The following ITGB6 variants were observed in gnomAD, a reference collection of about 807,000 sequenced individuals.
ITGB6 encodes the protein integrin beta-6.
ITGB6 carries 80 observed loss-of-function variants against 84.5 expected under a neutral mutation model. The ratio of observed to expected loss-of-function variants is 0.95; its 90% CI spans 0.79 to 1.14. The LOEUF (loss-of-function observed/expected upper bound fraction) is 1.14. Ranked by LOEUF, ITGB6 falls within the 50% of genes most tolerant of loss-of-function variation. The pLI is 0.00. For synonymous variants in ITGB6, 383 were observed against 354.9 expected (o/e 1.08, Z -0.89); for missense variants, 1,006 against 968.0 (o/e 1.04, Z -0.52).
chr2:160,192,403 C>T (rs1163656048), intron 4 of ITGB6, among the ~76,000 whole-genome samples: 1 of 152,076 alleles, frequency 6.6e-6, no homozygotes, highest in Non-Finnish European at 1.5e-5. Flanking sequence ...AGTGCTTGAA[C>T]AACTAGATAT....
At chr2:160,111,791 G>A (rs905689015) in intron 13 of ITGB6, among the ~76,000 whole-genome samples, 3 of 151,878 alleles carry the variant, frequency 2.0e-5, no homozygotes, top group African/African-American at 4.8e-5. Flanking sequence ...TGTTGGCCAG[G>A]GTGGTCTCCA....
At chr2:160,129,313 C>A (rs7564691) in intron 10 of ITGB6, among the ~76,000 whole-genome samples, 11,127 of 150,058 alleles carry the variant, frequency 0.074, 1,288 homozygotes, top group African/African-American at 0.25. Flanking sequence ...GCCTGCCATG[C>A]GCAAGACACT....
intron 4 of ITGB6, among the ~76,000 whole-genome samples, chr2:160,193,720 G>A (rs1219841984): frequency 2.6e-5 from 4 of 152,146 alleles, no homozygotes; most frequent in African/African-American, 9.7e-5. Context: ...TAGTGCCCCA[G>A]CAACATTCTT....
chr2:160,151,396 A>G (rs1050375101), intron 7 of ITGB6, among the ~76,000 whole-genome samples: 2 of 152,238 alleles, frequency 1.3e-5, no homozygotes, highest in African/African-American at 2.4e-5. Context: ...TTTGAAACCA[A>G]TGAGAACAAA....
chr2:160,164,874 T>G (rs1423963323), intron 7 of ITGB6, among the ~76,000 whole-genome samples: 1 of 152,166 alleles, frequency 6.6e-6, no homozygotes, highest in Admixed American at 6.5e-5. Context: ...CTGATGATTT[T>G]TCATGGTTAG....
At chr2:160,110,446 C>A (rs1313188860) in intron 13 of ITGB6, among the ~76,000 whole-genome samples, 1 of 152,126 alleles carries the variant, frequency 6.6e-6, no homozygotes, top group African/African-American at 2.4e-5. Context: ...CACTCTTTCC[C>A]CTTTTCTATC....
In ITGB6 at chr2:160,126,672, C is replaced by G. The variant is rs1683259196; in HGVS notation, c.1661-71G>C. ...GCAGATTTGAGGGGGTGAGGGGCAT[C>G]TTTTCTCTTTGTCTTTAAGCACCGT... is the stretch of plus-strand genomic sequence containing the variant. On this transcript the variant is annotated intron_variant, in intron 10 of 14. Coordinates refer to ENST00000283249, the MANE Select transcript of ITGB6 (RefSeq NM_000888.5). 5 of 1,415,756 alleles carry G rather than the reference C, an allele frequency of 3.5e-6. No individual in the cohort carries two copies. The South Asian group carries it at 3.8e-5, about 11-fold the overall frequency. The allele number at this position is 1,415,756 out of a possible 1,614,324, so 87.7% of individuals were successfully genotyped here. A position where few individuals can be genotyped will look rare whatever the true frequency, so the allele number is the denominator to read the frequency against.
intron 7 of ITGB6, among the ~76,000 whole-genome samples, chr2:160,167,422 GGTCA>G (rs1230697759): frequency 2.6e-5 from 4 of 152,124 alleles, no homozygotes; most frequent in Non-Finnish European, 5.9e-5. Flanking sequence ...ACAATGAAAC[GGTCA>G]GTCATAGAGT....
chr2:160,118,205 C>A (rs1479020269), intron 12 of ITGB6, among the ~76,000 whole-genome samples: 4 of 151,966 alleles, frequency 2.6e-5, no homozygotes, highest in Admixed American at 1.3e-4. Flanking sequence ...GGCAGAGAAA[C>A]AACAAAAAAA....
chr2:160,188,503 C>T (rs564584998), intron 4 of ITGB6, among the ~76,000 whole-genome samples: 2 of 152,090 alleles, frequency 1.3e-5, no homozygotes, highest in Non-Finnish European at 2.9e-5. Context: ...TCTGGTCTCC[C>T]CCTAATCACA....
chr2:160,163,631 CAAAA>C (rs11335168), intron 7 of ITGB6, among the ~76,000 whole-genome samples: 3 of 137,960 alleles, frequency 2.2e-5, no homozygotes, highest in Admixed American at 7.1e-5. Context: ...GACTTTGTCT[CAAAA>C]AAAAAAAAAA....
chr2:160,132,265 T>C (rs535051721), intron 10 of ITGB6, among the ~76,000 whole-genome samples: 13 of 152,154 alleles, frequency 8.5e-5, no homozygotes, highest in African/African-American at 2.9e-4. Flanking sequence ...AAATAAACCT[T>C]TAAATGAAAA....
intron 12 of ITGB6, among the ~76,000 whole-genome samples, chr2:160,123,219 G>A (rs1323121530): frequency 6.6e-6 from 1 of 152,298 alleles, no homozygotes; most frequent in East Asian, 1.9e-4. Flanking sequence ...CCGTTAAAGA[G>A]AATAGGTCTT....
chr2:160,187,574 CA>C (rs1000847417), intron 4 of ITGB6, among the ~76,000 whole-genome samples: 5 of 151,992 alleles, frequency 3.3e-5, no homozygotes, highest in African/African-American at 4.8e-5. Context: ...TTGAAAAAGG[CA>C]AAAGATTAAA....
intron 11 of ITGB6, among the ~76,000 whole-genome samples, chr2:160,124,705 T>C (rs1392298138): frequency 6.6e-6 from 1 of 152,184 alleles, no homozygotes; most frequent in East Asian, 1.9e-4. Flanking sequence ...AAATGTATGC[T>C]CTGCTAAGTG....
At chr2:160,125,258 A>T (rs1489572299) in intron 11 of ITGB6, among the ~76,000 whole-genome samples, 2 of 152,238 alleles carry the variant, frequency 1.3e-5, no homozygotes, top group Non-Finnish European at 2.9e-5. Flanking sequence ...ATAAATGAAT[A>T]CATGCATGAA....
chr2:160,196,375 C>A lies in ITGB6; in HGVS notation c.187G>T (p.Ala63Ser). The A allele has an allele frequency of 6.2e-7, 1 of 1,613,952 alleles. No individual in the cohort carries two copies. The highest frequency in any genetic ancestry group is 8.5e-7 in the Non-Finnish European group (1 of 1,179,952). The change falls in exon 3 of 15, where the codon GCA becomes TCA. Residue 63 changes from alanine (A) to serine (S), a missense_variant. By Grantham distance (99) the Ala-to-Ser change is moderately conservative. Coordinates refer to ENST00000283249, the MANE Select transcript of ITGB6 (RefSeq NM_000888.5). ...TGACATCCTTTAGCTAAAAGGTTTG[C>A]TGGGGTATCACACCTTTCGCCAACT... ...SGVGERCDTP[A>S]NLLAKGCQLN... is the part of the protein sequence containing the mutation.
chr2:160,198,070 T>C (rs1470994212), intron 2 of ITGB6, among the ~76,000 whole-genome samples: 1 of 152,182 alleles, frequency 6.6e-6, no homozygotes, highest in South Asian at 2.1e-4. Flanking sequence ...TAAATGAAAA[T>C]TCTAGGCTGA....
chr2:160,186,660 G>A (rs1685909439), intron 4 of ITGB6, among the ~76,000 whole-genome samples: 1 of 152,134 alleles, frequency 6.6e-6, no homozygotes, highest in African/African-American at 2.4e-5. Flanking sequence ...AAAGACACAT[G>A]CACATGTATG....
Sources: gnomAD v4.1 joint callset for allele counts (sites outside exome capture counted in the v4.1 genomes callset) on GRCh38, gnomAD v4.1.1 for gene constraint, MANE v1.5 for transcripts, NCBI Gene and HGNC (gene_info 2026-07-23, HGNC 2026-07-21) for gene names.